The following GUSB variants were observed in gnomAD, a reference collection of about 807,000 sequenced individuals.
GUSB encodes beta-glucuronidase.
Under a neutral mutation model 74.6 loss-of-function variants are expected in GUSB, and 51 were observed. That is an observed-to-expected ratio of 0.68 (90% CI 0.55 to 0.86). The LOEUF (loss-of-function observed/expected upper bound fraction) is 0.86, where lower values mean the gene tolerates loss of function less well. Among genes scored for constraint, GUSB ranks in the 40% least tolerant of loss-of-function variants. The pLI, the probability that GUSB is intolerant of heterozygous loss-of-function variation, is 0.00. For missense variants in GUSB, 736 were observed against 853.7 expected, an observed-to-expected ratio of 0.86 and a Z score of 1.72; for synonymous variants, 360 against 348.3, an observed-to-expected ratio of 1.03 and a Z score of -0.37.
Position 65,970,320 on chromosome 7 carries a change from T to C in GUSB, c.1438A>G (p.Thr480Ala). Residue 480 changes from threonine (T) to alanine (A), a missense_variant, in exon 9 of 12, where the codon ACC becomes GCC. By Grantham distance (58) the Thr-to-Ala change is moderately conservative (BLOSUM62 0). Coordinates refer to ENST00000304895, the MANE Select transcript of GUSB (RefSeq NM_000181.4). ...TKSLDPSRPV[T>A]FVSNSNYAAD... ...GCATAGTTAGAGTTGCTCACAAAGGTCACAGGCCGGGAGGGGTCCAAGGAT... is the reference window on the plus strand; with the variant it reads ...GCATAGTTAGAGTTGCTCACAAAGGCCACAGGCCGGGAGGGGTCCAAGGAT... 1 of 1,613,116 alleles carries C rather than the reference T, an allele frequency of 6.2e-7. No individual in the cohort carries two copies. Among genetic ancestry groups the C allele is most frequent in the Non-Finnish European group, 8.5e-7 (1 of 1,179,650 alleles).
At chr7:65,974,892 G>T (rs781143) in intron 6 of GUSB, 27 bp downstream of exon 6, 6 of 1,611,438 alleles carry the variant, frequency 3.7e-6, no homozygotes, top group Non-Finnish European at 5.1e-6. Context: ...AAGCAGCCCC[G>T]ACAAGGACCC....
At position 65,960,816 on chromosome 7, in the gene GUSB, G is replaced by T; in HGVS notation, c.*81C>A. 3 of 1,184,734 alleles carry T rather than the reference G, an allele frequency of 2.5e-6. No individual in the cohort carries two copies. The highest frequency in any genetic ancestry group is 3.8e-6 in the Non-Finnish European group (3 of 789,012). The allele number at this position is 1,184,734 out of a possible 1,614,324, so 73.4% of individuals were successfully genotyped here. ...GAAACGTTCTGGTCTGCCGTGAACA[G>T]TCCAGGAGGCACTTGTTCTGCTGCT... On this transcript the variant is annotated 3_prime_UTR_variant, in exon 12 of 12. Transcript: ENST00000304895.
At chr7:65,965,101 T>C (rs1790749719) in intron 10 of GUSB, among the ~76,000 whole-genome samples, 2 of 150,746 alleles carry the variant, frequency 1.3e-5, no homozygotes, top group South Asian at 2.1e-4. Context: ...AAAAATTAAA[T>C]TAAATTAAAC....
At chr7:65,980,662 C>T in intron 1 of GUSB, 1 of 529,998 alleles carries the variant, frequency 1.9e-6, no homozygotes, top group Non-Finnish European at 3.4e-6. Context: ...AGCCCAGGGC[C>T]ACATCCCAGC....
At chr7:65,963,489 G>A (rs970979996) in intron 11 of GUSB, among the ~76,000 whole-genome samples, 5 of 152,126 alleles carry the variant, frequency 3.3e-5, no homozygotes, top group Admixed American at 2.0e-4. Flanking sequence ...CATTCATTGC[G>A]AACTTGGCAG....
At chr7:65,968,812 C>T (rs886517688) in intron 9 of GUSB, among the ~76,000 whole-genome samples, 1 of 152,092 alleles carries the variant, frequency 6.6e-6, no homozygotes. Flanking sequence ...GTCTTGAACT[C>T]CTGATCTCAA....
chr7:65,975,192 T>C (rs1010058061), intron 5 of GUSB, 121 bp from the exon 6 acceptor site: 9 of 846,418 alleles, frequency 1.1e-5, no homozygotes, highest in African/African-American at 5.0e-5. Flanking sequence ...TAAGCAGAGA[T>C]GCAGCAATCA....
chr7:65,975,521 A>C (rs1379281550), intron 5 of GUSB: 2 of 253,650 alleles, frequency 7.9e-6, no homozygotes, highest in African/African-American at 4.5e-5. Context: ...AGTGGCTGGA[A>C]TTACAGGTGT....
chr7:65,975,150 C>T (rs1378860430), intron 5 of GUSB, 79 bp from the exon 6 acceptor site: 2 of 1,267,802 alleles, frequency 1.6e-6, no homozygotes, highest in East Asian at 4.6e-5. Flanking sequence ...AGGAAGGCCC[C>T]TCGTGCACCC....
At position 65,982,163 on chromosome 7, in the gene GUSB, A is replaced by T. The variant is rs1583955469; in HGVS notation, c.21T>A (p.Val7=). The change falls in exon 1 of 12, where the codon GTT becomes GTA. Residue 7 remains valine, a synonymous_variant. Coordinates refer to ENST00000304895, the MANE Select transcript of GUSB (RefSeq NM_000181.4). ...ACAACGGCCCGAGCGCCGCCCAGGC[A>T]ACCGCCGACCCCCGGGCCATGCTTC... MARGSA[V]AWAALGPLLW... The T allele has an allele frequency of 6.6e-7, 1 of 1,519,488 alleles. No individual in the cohort carries two copies. The highest frequency in any genetic ancestry group is 8.8e-7 in the Non-Finnish European group (1 of 1,133,130). The allele number at this position is 1,519,488 out of a possible 1,614,324, so 94.1% of individuals were successfully genotyped here.
At chr7:65,979,068 GC>G (rs59953928) in intron 4 of GUSB, among the ~76,000 whole-genome samples, 1 of 151,338 alleles carries the variant, frequency 6.6e-6, no homozygotes, top group Non-Finnish European at 1.5e-5. Context: ...CATGCCCGGC[GC>G]CCCCCCCACC....
At chr7:65,965,189 T>C (rs952999776) in intron 10 of GUSB, among the ~76,000 whole-genome samples, 2 of 151,988 alleles carry the variant, frequency 1.3e-5, no homozygotes, top group Non-Finnish European at 2.9e-5. Context: ...GAGGATCACT[T>C]CAGCCCAGGA....
chr7:65,964,535 T>C, intron 10 of GUSB, 77 bp from the exon 11 acceptor site: 1 of 1,418,974 alleles, frequency 7.0e-7, no homozygotes, highest in Non-Finnish European at 9.8e-7. Context: ...AAAGATCCAC[T>C]TGATGGTGAC....
At position 65,982,173 on chromosome 7, in the gene GUSB, C is replaced by G. The variant is rs1355624664; in HGVS notation, c.11G>C (p.Gly4Ala). 4.0e-6 allele frequency: 6 copies of G among 1,514,600 alleles called. No individual in the cohort carries two copies. In the Middle Eastern group the frequency reaches 7.5e-4, roughly 191 times the overall value. 93.8% of individuals were successfully genotyped at this position (1,514,600 alleles called of 1,614,324 possible). A position where few individuals can be genotyped will look rare whatever the true frequency, so the allele number is the denominator to read the frequency against. ...GAGCGCCGCCCAGGCAACCGCCGAC[C>G]CCCGGGCCATGCTTCCCGGTCCCCC... MAR[G>A]SAVAWAALGP... is the part of the protein sequence containing the mutation. Residue 4 changes from glycine to alanine, a missense_variant, in exon 1 of 12, where the codon GGG (glycine) becomes GCG (alanine). Around this residue, in one of 2 missense-constraint regions of GUSB, gnomAD observed 368 missense variants for 363.8 expected, o/e 1.01. Coordinates refer to ENST00000304895, the MANE Select transcript of GUSB (RefSeq NM_000181.4).
At position 65,961,037 on chromosome 7, in the gene GUSB, T is replaced by C. The variant is rs1325465494; in HGVS notation, c.1816A>G (p.Lys606Glu). ...QSPTRVLGNK[K>E]GIFTRQRQPK... ...TGTCTCTGCCGAGTGAAGATCCCCTTTTTATTCCCCAGCACTCTCGTCGGT... is the reference window on the plus strand; with the variant it reads ...TGTCTCTGCCGAGTGAAGATCCCCTCTTTATTCCCCAGCACTCTCGTCGGT... Residue 606 changes from lysine to glutamate, a missense_variant, in exon 12 of 12, where the codon AAG (lysine) becomes GAG (glutamate). Around this residue, in one of 2 missense-constraint regions of GUSB, gnomAD observed 368 missense variants for 489.9 expected, o/e 0.75. Coordinates refer to ENST00000304895, the MANE Select transcript of GUSB (RefSeq NM_000181.4). 1.9e-6 allele frequency: 3 copies of C among 1,613,876 alleles called. No homozygotes were observed. The highest frequency in any genetic ancestry group is 2.2e-5 in the South Asian group (2 of 91,070).
intron 10 of GUSB, among the ~76,000 whole-genome samples, chr7:65,964,785 T>C (rs1429352266): frequency 3.3e-5 from 5 of 152,178 alleles, no homozygotes; most frequent in African/African-American, 1.2e-4. Flanking sequence ...AATATGTCTT[T>C]CAGTCAGGTG....
At chr7:65,966,372 AG>A (rs1175877688) in intron 10 of GUSB, among the ~76,000 whole-genome samples, 1 of 152,000 alleles carries the variant, frequency 6.6e-6, no homozygotes, top group Admixed American at 6.6e-5. Flanking sequence ...GTGACAAACA[AG>A]TGTGAGCTGG....
At chr7:65,962,284 T>C (rs932374626) in intron 11 of GUSB, among the ~76,000 whole-genome samples, 1 of 152,184 alleles carries the variant, frequency 6.6e-6, no homozygotes, top group Non-Finnish European at 1.5e-5. Context: ...AGGCCTGAGC[T>C]GAGCCTGGTG....
intron 10 of GUSB, 66 bp downstream of exon 10, chr7:65,967,665 C>G (rs759704615): frequency 7.6e-5 from 102 of 1,333,598 alleles, no homozygotes; most frequent in Non-Finnish European, 1.0e-4. Flanking sequence ...GCAGGTCAGG[C>G]TGGAGGAGGT....
Sources: gnomAD v4.1 joint callset for allele counts (sites outside exome capture counted in the v4.1 genomes callset) on GRCh38, gnomAD v4.1.1 for gene constraint, gnomAD v4.1.1 regional missense constraint, MANE v1.5 for transcripts, NCBI Gene and HGNC (gene_info 2026-07-23, HGNC 2026-07-21) for gene names.